Variants in DOK5 observed in about 807,000 individuals in gnomAD.
The protein encoded by DOK5 is docking protein 5.
In DOK5, 27 loss-of-function variants were observed where a neutral mutation model predicts 43.3. That is an observed-to-expected ratio of 0.62 (90% CI 0.46 to 0.86). The LOEUF (loss-of-function observed/expected upper bound fraction) is 0.86, where lower values mean the gene tolerates loss of function less well. Among genes scored for constraint, DOK5 ranks in the 40% least tolerant of loss-of-function variants. DOK5 has a pLI of 0.00. For synonymous variants in DOK5, 146 were observed against 140.1 expected, an observed-to-expected ratio of 1.04 and a Z score of -0.30; for missense variants, 373 against 392.9, an observed-to-expected ratio of 0.95 and a Z score of 0.43.
At chr20:54,617,781 A>G (rs761699634) in intron 6 of DOK5, among the ~76,000 whole-genome samples, 18 of 152,142 alleles carry the variant, frequency 1.2e-4, no homozygotes, top group Non-Finnish European at 2.4e-4. Context: ...TAGTGGTTTG[A>G]TTTTTCACTT....
intron 6 of DOK5, among the ~76,000 whole-genome samples, chr20:54,621,420 G>A (rs371000436): frequency 6.6e-6 from 1 of 152,102 alleles, no homozygotes; most frequent in Non-Finnish European, 1.5e-5. Context: ...GGCTGGGTGC[G>A]GTGGCTCACG....
chr20:54,571,193 CTA>C (rs1491139678), intron 2 of DOK5, among the ~76,000 whole-genome samples: 1 of 152,206 alleles, frequency 6.6e-6, no homozygotes, highest in Non-Finnish European at 1.5e-5. Context: ...TAGTAATTAA[CTA>C]TTTCTTAAAT....
At chr20:54,588,327 A>G (rs1985874448) in intron 2 of DOK5, among the ~76,000 whole-genome samples, 156 bp from the exon 3 acceptor site, 1 of 152,200 alleles carries the variant, frequency 6.6e-6, no homozygotes, top group African/African-American at 2.4e-5. Context: ...TACTAAACTC[A>G]CTTAAATACA....
At chr20:54,599,040 T>G (rs1986229430) in intron 5 of DOK5, among the ~76,000 whole-genome samples, 1 of 152,240 alleles carries the variant, frequency 6.6e-6, no homozygotes, top group Admixed American at 6.5e-5. Context: ...TTGAAATATA[T>G]GTGTATTTGC....
chr20:54,523,753 G>A lies in DOK5; in HGVS notation c.67-31180G>A, dbSNP rs117888219. On this transcript the variant is annotated intron_variant, in intron 1 of 7. Coordinates refer to ENST00000262593, the MANE Select transcript of DOK5 (RefSeq NM_018431.5). ...CCCAAGTAGCTGGGATTACAGGTGTGCACCACCACATTTGTCTAAATGTAT... is the reference window on the plus strand; with the variant it reads ...CCCAAGTAGCTGGGATTACAGGTGTACACCACCACATTTGTCTAAATGTAT... Among the ~76,000 whole-genome samples the A allele has an allele frequency of 7.8e-3, 1,150 of 147,132 alleles. 9 individuals carry two copies. The highest frequency in any genetic ancestry group is 0.058 in the Middle Eastern group (17 of 292).
intron 1 of DOK5, among the ~76,000 whole-genome samples, chr20:54,535,880 AAT>A (rs1983945123): frequency 6.6e-6 from 1 of 152,188 alleles, no homozygotes; most frequent in Non-Finnish European, 1.5e-5. Flanking sequence ...CTCTTATATA[AAT>A]ATGTTAAGGC....
Position 54,528,494 on chromosome 20 carries a change from G to A in DOK5, c.67-26439G>A, listed in dbSNP as rs185648221. Among the ~76,000 whole-genome samples the A allele has an allele frequency of 8.5e-4, 129 of 151,316 alleles. 1 individual carries two copies. The highest frequency in any genetic ancestry group is 8.7e-4 in the Non-Finnish European group (59 of 67,930). ...TCCAAGATGGCTGTTGAAGCTCCACGCATCATGTATCTTCATGACCAGAAA... is the reference window on the plus strand; with the variant it reads ...TCCAAGATGGCTGTTGAAGCTCCACACATCATGTATCTTCATGACCAGAAA... On this transcript the variant is annotated intron_variant, in intron 1 of 7. Transcript: ENST00000262593.
intron 1 of DOK5, among the ~76,000 whole-genome samples, chr20:54,543,326 G>C (rs1296591611): frequency 6.6e-6 from 1 of 151,738 alleles, no homozygotes; most frequent in East Asian, 1.9e-4. Context: ...CGTGGACAGT[G>C]GGGGGTGGGG....
At chr20:54,511,507 A>G (rs1345745369) in intron 1 of DOK5, among the ~76,000 whole-genome samples, 1 of 152,230 alleles carries the variant, frequency 6.6e-6, no homozygotes, top group Non-Finnish European at 1.5e-5. Context: ...AGTTTGTTAT[A>G]CATAGTTTCT....
At chr20:54,582,178 T>G (rs183207305) in intron 2 of DOK5, among the ~76,000 whole-genome samples, 1 of 152,046 alleles carries the variant, frequency 6.6e-6, no homozygotes, top group Admixed American at 6.5e-5. Flanking sequence ...CATCTTGCTA[T>G]GTAGAACCCT....
intron 1 of DOK5, among the ~76,000 whole-genome samples, chr20:54,539,588 T>G (rs1490880915): frequency 6.6e-6 from 1 of 152,184 alleles, no homozygotes; most frequent in Non-Finnish European, 1.5e-5. Flanking sequence ...GAAAAGCATT[T>G]TCAATGTCTG....
intron 2 of DOK5, among the ~76,000 whole-genome samples, chr20:54,555,732 A>T (rs1461975645): frequency 6.6e-6 from 1 of 152,200 alleles, no homozygotes; most frequent in African/African-American, 2.4e-5. Flanking sequence ...GGTTATTTTC[A>T]TATGGAGAAA....
At chr20:54,569,410 C>T (rs1014719544) in intron 2 of DOK5, among the ~76,000 whole-genome samples, 13 of 152,160 alleles carry the variant, frequency 8.5e-5, no homozygotes, top group Non-Finnish European at 1.8e-4. Context: ...TGTTTAATAT[C>T]AATACACCAT....
chr20:54,635,865 G>T (rs1261282090), intron 6 of DOK5, among the ~76,000 whole-genome samples: 1 of 152,176 alleles, frequency 6.6e-6, no homozygotes, highest in Non-Finnish European at 1.5e-5. Flanking sequence ...TATGTAAATG[G>T]AATATCTTAG....
At chr20:54,604,693 A>G (rs1986408437) in intron 5 of DOK5, among the ~76,000 whole-genome samples, 1 of 152,164 alleles carries the variant, frequency 6.6e-6, no homozygotes, top group Admixed American at 6.5e-5. Flanking sequence ...AGGGAAAAAG[A>G]AAAGCTTACC....
intron 6 of DOK5, among the ~76,000 whole-genome samples, chr20:54,630,992 A>C (rs1195567934): frequency 2.0e-5 from 3 of 152,214 alleles, no homozygotes; most frequent in Non-Finnish European, 2.9e-5. Context: ...TTACTGTCTC[A>C]TCTGGTAAAT....
chr20:54,530,592 A>G (rs1337705015), intron 1 of DOK5, among the ~76,000 whole-genome samples: 1 of 152,128 alleles, frequency 6.6e-6, no homozygotes, highest in African/African-American at 2.4e-5. Context: ...AACCTGGTTT[A>G]TCAGCCTAGC....
intron 1 of DOK5, among the ~76,000 whole-genome samples, chr20:54,521,369 C>A (rs1983389788): frequency 6.6e-6 from 1 of 152,136 alleles, no homozygotes; most frequent in Admixed American, 6.5e-5. Context: ...ACGCCAACCA[C>A]AAGGGGGTCC....
intron 1 of DOK5, among the ~76,000 whole-genome samples, chr20:54,524,757 A>G (rs183218653): frequency 6.6e-6 from 1 of 152,228 alleles, no homozygotes; most frequent in Non-Finnish European, 1.5e-5. Flanking sequence ...TCCTCTCCTA[A>G]TTTGTTTTTT....
Sources: allele counts gnomAD v4.1 joint callset (sites outside exome capture counted in the v4.1 genomes callset), GRCh38; gene constraint gnomAD v4.1.1; transcripts MANE v1.5; gene names NCBI Gene and HGNC (gene_info 2026-07-23, HGNC 2026-07-21).